Variants in MYL6B observed in about 807,000 individuals in gnomAD.
MYL6B encodes the protein myosin alkali light chain 1 slow a.
Under a neutral mutation model 24.5 loss-of-function variants are expected in MYL6B, and 19 were observed. The ratio of observed to expected loss-of-function variants is 0.78; its 90% CI spans 0.54 to 1.14. MYL6B has a LOEUF of 1.14. MYL6B is among the 50% of genes most tolerant of loss of function. The pLI is 0.00. For synonymous variants in MYL6B, 90 were observed against 100.7 expected, an observed-to-expected ratio of 0.89 and a Z score of 0.64; for missense variants, 230 against 263.8, an observed-to-expected ratio of 0.87 and a Z score of 0.89.
chr12:56,155,744 G>A (rs1450208391), intron 5 of MYL6B, 152 bp downstream of exon 5: 1 of 1,536,378 alleles, frequency 6.5e-7, no homozygotes, highest in Non-Finnish European at 8.7e-7. Flanking sequence ...TATGGGGGTA[G>A]AATCTGAAGG....
chr12:56,153,405 G>T, intron 1 of MYL6B: 1 of 985,502 alleles, frequency 1.0e-6, no homozygotes, highest in Non-Finnish European at 1.2e-6. Flanking sequence ...CAAAGCCATG[G>T]TCAGAAGGGA....
chr12:56,154,768 T>C (rs753258055), intron 2 of MYL6B, 45 bp from the exon 3 acceptor site: 3 of 1,595,742 alleles, frequency 1.9e-6, no homozygotes, highest in South Asian at 1.1e-5. Flanking sequence ...GGGAGAGGGA[T>C]TGAATAAACT....
chr12:56,155,423 G>A, exon 5 of MYL6B: 3 of 1,614,206 alleles, frequency 1.9e-6, no homozygotes, highest in Non-Finnish European at 2.5e-6. Flanking sequence ...CTCCAGAGCT[G>A]AAGTCGCGGC....
At chr12:56,157,968 G>GGAAC in exon 7 of MYL6B, 1 of 592,188 alleles carries the variant, frequency 1.7e-6, no homozygotes, top group Non-Finnish European at 3.0e-6. Context: ...AATAAAGACT[G>GGAAC]GGTTCCTCTC....
At chr12:56,155,015 C>A (rs1487018530) in intron 3 of MYL6B, 40 bp from the exon 4 acceptor site, 1 of 1,579,358 alleles carries the variant, frequency 6.3e-7, no homozygotes, top group Admixed American at 1.8e-5. Context: ...GTGATGGGAA[C>A]CCTAGTCAGT....
chr12:56,154,046 C>T (rs373330200), exon 2 of MYL6B: 15 of 1,613,918 alleles, frequency 9.3e-6, no homozygotes, highest in Middle Eastern at 1.6e-4. Flanking sequence ...GTCCCCCAGG[C>T]CCCTCAGAAA....
rs1871359117 is a variant in MYL6B at position 56,157,282 on chromosome 12, G to C, written c.521-186G>C. 7 of 577,242 alleles carry C rather than the reference G, an allele frequency of 1.2e-5. No individual in the cohort carries two copies. In the South Asian group the frequency reaches 1.5e-4, roughly 12 times the overall value. 35.8% of individuals were successfully genotyped at this position (577,242 alleles called of 1,614,324 possible). A position where few individuals can be genotyped will look rare whatever the true frequency, so the allele number is the denominator to read the frequency against. On this transcript the variant is annotated intron_variant, in intron 5 of 6. Coordinates refer to ENST00000553066, the Ensembl canonical transcript of MYL6B. ...GCCTGTAATCCCAGCTACTCGGGAG[G>C]GTGAGGCAGGAGAATCGCGTGAACA...
intron 1 of MYL6B, 27 bp from the exon 2 acceptor site, chr12:56,153,846 T>A: frequency 8.3e-6 from 12 of 1,452,442 alleles, no homozygotes; most frequent in African/African-American, 1.4e-5. Context: ...CCCCTTGACA[T>A]CCCAGACTCC....
chr12:56,154,773 TAA>T (rs1306229230), intron 2 of MYL6B, 38 bp from the exon 3 acceptor site: 1 of 1,601,684 alleles, frequency 6.2e-7, no homozygotes, highest in Non-Finnish European at 8.5e-7. Context: ...AGGGATTGAA[TAA>T]ACTCTCATCT....
At chr12:56,157,173 T>C (rs576599860) in intron 5 of MYL6B, 56 of 352,724 alleles carry the variant, frequency 1.6e-4, no homozygotes, top group Admixed American at 8.6e-4. Flanking sequence ...GGCAGGTGTA[T>C]GACCTGAGGT....
chr12:56,155,333 T>A (rs1871265670), intron 4 of MYL6B, 86 bp from the exon 5 acceptor site: 1 of 1,593,884 alleles, frequency 6.3e-7, no homozygotes, highest in African/African-American at 1.3e-5. Flanking sequence ...AAATGCTGAA[T>A]AGGATGAAAG....
chr12:56,155,426 G>C, exon 5 of MYL6B: 1 of 1,614,214 alleles, frequency 6.2e-7, no homozygotes, highest in South Asian at 1.1e-5. Flanking sequence ...CAGAGCTGAA[G>C]TCGCGGCGTG....
intron 2 of MYL6B, 66 bp from the exon 3 acceptor site, chr12:56,154,747 G>T (rs1871241181): frequency 6.4e-7 from 1 of 1,558,866 alleles, no homozygotes; most frequent in Non-Finnish European, 8.7e-7. Context: ...CCAGTTGGTT[G>T]GGAGGAGTGC....
chr12:56,154,977 A>C, intron 3 of MYL6B, 78 bp from the exon 4 acceptor site: 1 of 1,559,882 alleles, frequency 6.4e-7, no homozygotes, highest in Admixed American at 1.9e-5. Context: ...CTGTTCACAT[A>C]GTTTCTGAAA....
At chr12:56,154,419 G>C (rs1769048734) in intron 2 of MYL6B, among the ~76,000 whole-genome samples, 1 of 152,218 alleles carries the variant, frequency 6.6e-6, no homozygotes, top group South Asian at 2.1e-4. Flanking sequence ...GCCTGCCCCT[G>C]GCTGGTGGTT....
chr12:56,153,936 T>C (rs772551394), exon 2 of MYL6B: 2 of 1,612,844 alleles, frequency 1.2e-6, no homozygotes, highest in African/African-American at 1.3e-5. Flanking sequence ...CCAAGAAGGA[T>C]GTTCCCGTGA....
exon 7 of MYL6B, chr12:56,157,797 C>A: frequency 6.4e-7 from 1 of 1,565,022 alleles, no homozygotes; most frequent in Non-Finnish European, 8.7e-7. Context: ...TTCTCTCAGC[C>A]AACATAGAAA....
intron 1 of MYL6B, chr12:56,153,408 A>G: frequency 1.0e-6 from 1 of 985,614 alleles, no homozygotes; most frequent in Admixed American, 6.1e-5. Flanking sequence ...AGCCATGGTC[A>G]GAAGGGAGTG....
chr12:56,153,959 G>A, exon 2 of MYL6B: 1 of 1,613,954 alleles, frequency 6.2e-7, no homozygotes, highest in Non-Finnish European at 8.5e-7. Context: ...AAACCAGCAG[G>A]GCCCTCCATC....
Sources: allele counts gnomAD v4.1 joint callset (sites outside exome capture counted in the v4.1 genomes callset), GRCh38; gene constraint gnomAD v4.1.1; transcripts MANE v1.5; gene names NCBI Gene and HGNC (gene_info 2026-07-23, HGNC 2026-07-21).